Variants in RGS6 observed in about 807,000 individuals in gnomAD.
The protein encoded by RGS6 is regulator of G protein signaling 6.
In RGS6, 30 loss-of-function variants were observed where a neutral mutation model predicts 78.5. The observed-to-expected ratio is 0.38, with a 90% CI of 0.29 to 0.52. The LOEUF is 0.52. Among genes scored for constraint, RGS6 ranks in the 20% least tolerant of loss-of-function variants. The pLI is 0.85. For synonymous variants in RGS6, 206 were observed against 206.0 expected (o/e 1.00, Z 0.00); for missense variants, 495 against 609.7 (o/e 0.81, Z 1.98).
chr14:72,538,523 G>A (rs1013011281), intron 16 of RGS6, among the ~76,000 whole-genome samples: 3 of 152,356 alleles, frequency 2.0e-5, no homozygotes, highest in South Asian at 2.1e-4. Flanking sequence ...GCAAGGCAGA[G>A]GAGCCAAGTG....
intron 3 of RGS6, among the ~76,000 whole-genome samples, chr14:72,353,477 T>C (rs945353861): frequency 2.0e-5 from 3 of 152,214 alleles, no homozygotes; most frequent in African/African-American, 7.2e-5. Flanking sequence ...AAAGGTTACA[T>C]GCTATGTGAT....
intron 3 of RGS6, among the ~76,000 whole-genome samples, chr14:72,409,463 T>TA (rs2093221379): frequency 6.6e-6 from 1 of 152,220 alleles, no homozygotes; most frequent in South Asian, 2.1e-4. Flanking sequence ...CCTAGGAACT[T>TA]AAAGTGCTGG....
At chr14:72,587,754 A>G in the RGS6 span, among the ~76,000 whole-genome samples, 1 of 152,156 alleles carries the variant, frequency 6.6e-6, no homozygotes, top group African/African-American at 2.4e-5. Context: ...TCAGAACAGA[A>G]CTGTCGGTAA....
intron 15 of RGS6, among the ~76,000 whole-genome samples, chr14:72,531,200 A>C (rs1370018679): frequency 6.6e-6 from 1 of 152,188 alleles, no homozygotes; most frequent in African/African-American, 2.4e-5. Flanking sequence ...TGGGAGGCTG[A>C]AACAGGTGGA....
intron 12 of RGS6, among the ~76,000 whole-genome samples, chr14:72,488,640 G>A (rs1313961649): frequency 6.6e-6 from 1 of 152,228 alleles, no homozygotes; most frequent in Non-Finnish European, 1.5e-5. Context: ...TCAGCGGACA[G>A]CTGCCTTCAT....
At chr14:71,895,798 A>C in the RGS6 span, among the ~76,000 whole-genome samples, 1 of 152,178 alleles carries the variant, frequency 6.6e-6, no homozygotes, top group African/African-American at 2.4e-5. Flanking sequence ...CTGGTGCTAG[A>C]ACCCAAAGAA....
chr14:72,256,992 T>G (rs1387464474), intron 2 of RGS6, among the ~76,000 whole-genome samples: 1 of 152,238 alleles, frequency 6.6e-6, no homozygotes, highest in Non-Finnish European at 1.5e-5. Context: ...GGTAGACACC[T>G]GCAAGAGGAG....
intron 15 of RGS6, among the ~76,000 whole-genome samples, chr14:72,533,341 T>C (rs932331104): frequency 3.3e-5 from 5 of 152,244 alleles, no homozygotes; most frequent in African/African-American, 1.2e-4. Flanking sequence ...TCTTTCCAAA[T>C]ATTGCTGTTC....
chr14:72,299,121 G>A (rs1238314941), intron 2 of RGS6, among the ~76,000 whole-genome samples: 1 of 151,968 alleles, frequency 6.6e-6, no homozygotes, highest in African/African-American at 2.4e-5. Context: ...GGTTTTTATG[G>A]TAGCATCTTT....
At chr14:72,122,226 G>A (rs766760250) in intron 2 of RGS6, among the ~76,000 whole-genome samples, 28 of 152,104 alleles carry the variant, frequency 1.8e-4, no homozygotes, top group Non-Finnish European at 3.5e-4. Flanking sequence ...TCTGAGATGA[G>A]GTGTATCTGA....
intron 2 of RGS6, among the ~76,000 whole-genome samples, chr14:72,119,637 A>G (rs1168125693): frequency 1.3e-5 from 2 of 152,224 alleles, no homozygotes; most frequent in East Asian, 3.8e-4. Flanking sequence ...AGCAAAGGCC[A>G]TTCTTGGTGT....
chr14:72,276,230 A>C (rs571075806), intron 2 of RGS6, among the ~76,000 whole-genome samples: 1 of 152,316 alleles, frequency 6.6e-6, no homozygotes, highest in South Asian at 2.1e-4. Context: ...TACACTGAAC[A>C]TATCTTTCCT....
intron 3 of RGS6, among the ~76,000 whole-genome samples, chr14:72,444,205 C>T (rs1470492889): frequency 6.6e-6 from 1 of 152,186 alleles, no homozygotes; most frequent in Non-Finnish European, 1.5e-5. Context: ...AGATAACAAA[C>T]CAGGGGAACC....
rs116764851 is a variant in RGS6 at position 72,477,121 on chromosome 14, C to T, written c.792+281C>T. 1.3e-3 allele frequency: 462 copies of T among 368,076 alleles called. 1 individual carries two copies. The highest frequency in any genetic ancestry group is 9.2e-3 in the African/African-American group (442 of 47,868). 22.8% of individuals were successfully genotyped at this position (368,076 alleles called of 1,614,324 possible). On this transcript the variant is annotated intron_variant, in intron 11 of 17. Coordinates refer to ENST00000553525, the MANE Select transcript of RGS6 (RefSeq NM_001204424.2). Reference sequence around the variant, plus strand: ...TGCTGTAATGGGGTTTCCCACAGTCCGCTGTGGGAGCTGGAGGAAGGAGGG... The same window carrying T: ...TGCTGTAATGGGGTTTCCCACAGTCTGCTGTGGGAGCTGGAGGAAGGAGGG...
chr14:72,389,342 G>C (rs1315254460), intron 3 of RGS6, among the ~76,000 whole-genome samples: 4 of 152,076 alleles, frequency 2.6e-5, no homozygotes, highest in African/African-American at 9.7e-5. Context: ...GCTTTGCCCA[G>C]TATGCCCTAA....
At chr14:72,448,811 A>T (rs896479940) in intron 3 of RGS6, among the ~76,000 whole-genome samples, 1 of 152,192 alleles carries the variant, frequency 6.6e-6, no homozygotes, top group Non-Finnish European at 1.5e-5. Context: ...AGAGACACAG[A>T]ATAGTATAGT....
intron 2 of RGS6, among the ~76,000 whole-genome samples, chr14:72,029,659 T>G (rs1161902737): frequency 6.6e-6 from 1 of 152,168 alleles, no homozygotes; most frequent in Admixed American, 6.5e-5. Context: ...GTGATAAATA[T>G]GTTCCAAAGC....
Sources: gnomAD v4.1 joint callset for allele counts (sites outside exome capture counted in the v4.1 genomes callset) on GRCh38, gnomAD v4.1.1 for gene constraint, MANE v1.5 for transcripts, NCBI Gene and HGNC (gene_info 2026-07-23, HGNC 2026-07-21) for gene names.